CDH13: variants seen among roughly 807,000 people sequenced by gnomAD.
CDH13 encodes the protein cadherin 13.
In CDH13, 24 loss-of-function variants were observed where a neutral mutation model predicts 63.8. That is an observed-to-expected ratio of 0.38 (90% confidence interval 0.27 to 0.53). The LOEUF is 0.53. CDH13 is among the 20% of genes least tolerant of loss of function. The pLI is 0.85. For missense variants in CDH13, 1,049 were observed against 903.1 expected, an observed-to-expected ratio of 1.16 and a Z score of -2.07; for synonymous variants, 503 against 355.3, an observed-to-expected ratio of 1.42 and a Z score of -4.67.
chr16:83,447,337 C>T (rs1340205059), intron 6 of CDH13, among the ~76,000 whole-genome samples: 2 of 151,802 alleles, frequency 1.3e-5, no homozygotes, highest in South Asian at 2.1e-4. Flanking sequence ...TTTGCTTGAA[C>T]CTGGGAGGCA....
chr16:82,849,169 G>A (rs1285584261), intron 1 of CDH13, among the ~76,000 whole-genome samples: 1 of 152,194 alleles, frequency 6.6e-6, no homozygotes, highest in Non-Finnish European at 1.5e-5. Context: ...AGAGGTTAGT[G>A]TGTGACATTT....
intron 7 of CDH13, among the ~76,000 whole-genome samples, chr16:83,570,435 T>G (rs1412687560): frequency 2.0e-5 from 3 of 152,186 alleles, no homozygotes; most frequent in Non-Finnish European, 4.4e-5. Flanking sequence ...AACCCAACCC[T>G]TTCTGAGTTC....
At chr16:82,792,636 G>T (rs1185268373) in intron 1 of CDH13, among the ~76,000 whole-genome samples, 1 of 152,170 alleles carries the variant, frequency 6.6e-6, no homozygotes. Flanking sequence ...ACAAAGCCTG[G>T]TGGCAGGTGG....
intron 4 of CDH13, among the ~76,000 whole-genome samples, chr16:83,195,643 C>T (rs1194969171): frequency 6.6e-6 from 1 of 152,154 alleles, no homozygotes; most frequent in Non-Finnish European, 1.5e-5. Context: ...CAAGCCCCCT[C>T]CTCCAACATT....
chr16:83,452,463 T>G (rs2072910525), intron 6 of CDH13, among the ~76,000 whole-genome samples: 2 of 152,208 alleles, frequency 1.3e-5, no homozygotes, highest in African/African-American at 4.8e-5. Flanking sequence ...AATAAGTTTC[T>G]TGTTTTTTAA....
chr16:82,794,292 G>T (rs1184673372), intron 1 of CDH13, among the ~76,000 whole-genome samples: 2 of 149,994 alleles, frequency 1.3e-5, no homozygotes, highest in African/African-American at 4.9e-5. Context: ...GAAAACCCCT[G>T]GTTTAAATCC....
At chr16:82,814,335 G>A (rs546897356) in intron 1 of CDH13, among the ~76,000 whole-genome samples, 24 of 152,218 alleles carry the variant, frequency 1.6e-4, no homozygotes, top group African/African-American at 5.8e-4. Context: ...CCCCCAGGAT[G>A]GGTGCTGGTT....
intron 4 of CDH13, among the ~76,000 whole-genome samples, chr16:83,133,256 A>T (rs935629303): frequency 6.6e-6 from 1 of 152,210 alleles, no homozygotes; most frequent in Non-Finnish European, 1.5e-5. Context: ...CCACACTGAG[A>T]TGTTTTGTAA....
At chr16:83,777,405 C>G (rs1277078291) in intron 11 of CDH13, among the ~76,000 whole-genome samples, 1 of 152,206 alleles carries the variant, frequency 6.6e-6, no homozygotes, top group African/African-American at 2.4e-5. Flanking sequence ...GAGGGTATGA[C>G]CTGCAGCTGC....
intron 10 of CDH13, among the ~76,000 whole-genome samples, chr16:83,730,087 A>G (rs938618991): frequency 6.6e-6 from 1 of 152,226 alleles, no homozygotes; most frequent in African/African-American, 2.4e-5. Flanking sequence ...TGCTGTGTTC[A>G]TCATGGCTTT....
At chr16:82,960,587 C>CT (rs1242114056) in intron 2 of CDH13, among the ~76,000 whole-genome samples, 2 of 152,162 alleles carry the variant, frequency 1.3e-5, no homozygotes, top group Non-Finnish European at 2.9e-5. Flanking sequence ...CAAGAACAAT[C>CT]TTTTTTCACC....
chr16:83,690,748 G>T (rs904045238), intron 10 of CDH13, among the ~76,000 whole-genome samples: 2 of 152,106 alleles, frequency 1.3e-5, no homozygotes, highest in African/African-American at 4.8e-5. Context: ...TTGAGACAGA[G>T]TCTGGCTATG....
intron 1 of CDH13, among the ~76,000 whole-genome samples, chr16:82,782,550 T>TC (rs1567528411): frequency 1.2e-5 from 1 of 80,042 alleles, no homozygotes; most frequent in Non-Finnish European, 3.0e-5. Flanking sequence ...AGACTCCATC[T>TC]CAAAAAAAAA....
At chr16:82,754,541 C>G (rs915932738) in intron 1 of CDH13, among the ~76,000 whole-genome samples, 2 of 152,142 alleles carry the variant, frequency 1.3e-5, no homozygotes, top group African/African-American at 2.4e-5. Flanking sequence ...ATCAAACATT[C>G]ATTTTGCTTT....
At chr16:83,628,012 G>A (rs1464531969) in intron 8 of CDH13, among the ~76,000 whole-genome samples, 1 of 152,186 alleles carries the variant, frequency 6.6e-6, no homozygotes, top group African/African-American at 2.4e-5. Flanking sequence ...CATAGCGCTG[G>A]TGGGAGTGTA....
chr16:83,297,715 T>C (rs554268756), intron 5 of CDH13, among the ~76,000 whole-genome samples: 1 of 152,238 alleles, frequency 6.6e-6, no homozygotes, highest in South Asian at 2.1e-4. Context: ...GGCTTTGATG[T>C]GAACATGCCT....
intron 6 of CDH13, among the ~76,000 whole-genome samples, chr16:83,448,589 C>T (rs189117061): frequency 6.6e-6 from 1 of 152,160 alleles, no homozygotes; most frequent in Admixed American, 6.5e-5. Context: ...AGTGACTGGC[C>T]CTGTAAGCTT....
At chr16:83,140,571 A>G (rs1287287608) in intron 4 of CDH13, among the ~76,000 whole-genome samples, 2 of 152,140 alleles carry the variant, frequency 1.3e-5, no homozygotes, top group Non-Finnish European at 2.9e-5. Flanking sequence ...TTCCTGCCTC[A>G]GCCCCCAGGG....
At chr16:83,310,099 C>G (rs968024084) in intron 5 of CDH13, among the ~76,000 whole-genome samples, 10 of 152,144 alleles carry the variant, frequency 6.6e-5, no homozygotes, top group African/African-American at 2.4e-4. Flanking sequence ...AGACTATTTT[C>G]CACATTTACT....
Sources: allele counts gnomAD v4.1 joint callset (sites outside exome capture counted in the v4.1 genomes callset), GRCh38; gene constraint gnomAD v4.1.1; transcripts MANE v1.5; gene names NCBI Gene and HGNC (gene_info 2026-07-23, HGNC 2026-07-21).